Variants in CNTNAP2 observed in about 807,000 individuals in gnomAD.
CNTNAP2 encodes contactin associated protein 2.
A neutral mutation model predicts 155.2 loss-of-function variants in CNTNAP2; 98 were observed. That is an observed-to-expected ratio of 0.63 (90% CI 0.54 to 0.75). The LOEUF is 0.75. Among genes scored for constraint, CNTNAP2 ranks in the 30% least tolerant of loss-of-function variants. The pLI is 0.00. For synonymous variants in CNTNAP2, 651 were observed against 631.2 expected (o/e 1.03, Z -0.47); for missense variants, 1,727 against 1,688.1 (o/e 1.02, Z -0.40).
chr7:148,010,069 T>C (rs1376146648), intron 15 of CNTNAP2, among the ~76,000 whole-genome samples: 1 of 152,058 alleles, frequency 6.6e-6, no homozygotes, highest in African/African-American at 2.4e-5. Flanking sequence ...CTCAACTTGC[T>C]CCATAACAGT....
At chr7:147,681,086 C>T (rs1584896673) in intron 13 of CNTNAP2, among the ~76,000 whole-genome samples, 1 of 151,880 alleles carries the variant, frequency 6.6e-6, no homozygotes, top group African/African-American at 2.4e-5. Context: ...ATAGTCGTAA[C>T]CCACATATTT....
At chr7:148,047,948 G>C (rs1435202528) in intron 15 of CNTNAP2, among the ~76,000 whole-genome samples, 3 of 152,072 alleles carry the variant, frequency 2.0e-5, no homozygotes, top group African/African-American at 7.2e-5. Context: ...TTTTGAGACA[G>C]AGTCTCGCTT....
At chr7:147,806,152 A>G (rs1798087102) in intron 13 of CNTNAP2, among the ~76,000 whole-genome samples, 2 of 152,328 alleles carry the variant, frequency 1.3e-5, no homozygotes, top group South Asian at 4.1e-4. Flanking sequence ...TCAATAGCAA[A>G]AAGCAACTAA....
At chr7:147,245,523 C>G (rs1281210155) in intron 8 of CNTNAP2, among the ~76,000 whole-genome samples, 1 of 151,972 alleles carries the variant, frequency 6.6e-6, no homozygotes, top group African/African-American at 2.4e-5. Flanking sequence ...TTTCATTGAT[C>G]TAGATCTCAA....
At chr7:146,486,158 A>T (rs1268776) in intron 1 of CNTNAP2, among the ~76,000 whole-genome samples, 5 of 138,584 alleles carry the variant, frequency 3.6e-5, no homozygotes, top group Middle Eastern at 4.5e-3. Context: ...TCCGCCTCCC[A>T]GGTTCACTCT....
chr7:146,194,630 A>G (rs13223353), intron 1 of CNTNAP2, among the ~76,000 whole-genome samples: 8,288 of 152,264 alleles, frequency 0.054, 256 homozygotes, highest in Middle Eastern at 0.11. Flanking sequence ...CTAATGTTAA[A>G]CAAGAAAATT....
At chr7:147,707,644 G>A (rs1171589632) in intron 13 of CNTNAP2, among the ~76,000 whole-genome samples, 1 of 152,224 alleles carries the variant, frequency 6.6e-6, no homozygotes. Context: ...CCCAGGTGCT[G>A]GTAGTGGCAA....
chr7:147,002,250 C>CA (rs1798439362), intron 3 of CNTNAP2, among the ~76,000 whole-genome samples: 1 of 151,930 alleles, frequency 6.6e-6, no homozygotes, highest in South Asian at 2.1e-4. Context: ...CACATAGAGA[C>CA]ATGTAATTAT....
chr7:147,180,369 T>A (rs544776496), intron 8 of CNTNAP2, among the ~76,000 whole-genome samples: 106 of 152,330 alleles, frequency 7.0e-4, no homozygotes, highest in African/African-American at 2.2e-3. Context: ...TATTTACATA[T>A]ACTTTGGAGT....
intron 1 of CNTNAP2, among the ~76,000 whole-genome samples, chr7:146,491,245 G>A (rs1456249545): frequency 6.6e-6 from 1 of 152,018 alleles, no homozygotes; most frequent in Admixed American, 6.6e-5. Flanking sequence ...ATCACAGAAT[G>A]GAATCTTGTA....
chr7:148,348,637 C>T (rs1637825), intron 21 of CNTNAP2, among the ~76,000 whole-genome samples: 149,251 of 152,242 alleles, frequency 0.98, 73,226 homozygotes, highest in East Asian at 1. Flanking sequence ...GCCAAAGCGG[C>T]TCAGGCACAC....
chr7:146,762,311 G>C (rs1393705251), intron 1 of CNTNAP2, among the ~76,000 whole-genome samples: 1 of 152,022 alleles, frequency 6.6e-6, no homozygotes, highest in Non-Finnish European at 1.5e-5. Context: ...CAGTTCCTAA[G>C]AATCCCTGGC....
At chr7:148,205,327 TAGTTA>T (rs1795432276) in intron 18 of CNTNAP2, among the ~76,000 whole-genome samples, 1 of 152,236 alleles carries the variant, frequency 6.6e-6, no homozygotes, top group East Asian at 1.9e-4. Flanking sequence ...TACAAATATG[TAGTTA>T]AAGAAACAAT....
rs144621803 is a variant in CNTNAP2, at chr7:146,996,858, A to G, written c.403-47049A>G. On this transcript the variant is annotated intron_variant, in intron 3 of 23. Transcript: ENST00000361727. ...TTGTTGTGGGAGGGACCCCGTGGGG[A>G]GATAACGGAATCATAGGGGTGGTTT... Among the ~76,000 whole-genome samples, 963 of 152,162 alleles carry G rather than the reference A, an allele frequency of 6.3e-3. 8 individuals are homozygous for G. The highest frequency in any genetic ancestry group is 0.022 in the African/African-American group (921 of 41,510).
Position 147,993,819 on chromosome 7 carries a change from T to A in CNTNAP2, c.2383+15830T>A, listed in dbSNP as rs913297061. Among the ~76,000 whole-genome samples the A allele has an allele frequency of 4.6e-5, 7 of 152,164 alleles. No individual in the cohort carries two copies. In the South Asian group the frequency reaches 1.5e-3, roughly 32 times the overall value. The stretch of plus-strand genomic sequence containing the variant: ...TATATATTTGAGAACACTTCTCCAC[T>A]GCTCCTCTAACTCCTCTAGCCTACC... On this transcript the variant is annotated intron_variant, in intron 15 of 23. Transcript: ENST00000361727.
At chr7:147,374,303 A>G (rs1796398634) in intron 9 of CNTNAP2, among the ~76,000 whole-genome samples, 1 of 152,116 alleles carries the variant, frequency 6.6e-6, no homozygotes, top group South Asian at 2.1e-4. Flanking sequence ...CTAAATGTCT[A>G]CTTTTCTATT....
intron 1 of CNTNAP2, among the ~76,000 whole-genome samples, chr7:146,243,011 A>G (rs1799588311): frequency 6.6e-6 from 1 of 152,094 alleles, no homozygotes; most frequent in Non-Finnish European, 1.5e-5. Flanking sequence ...CTGTTTTTAG[A>G]CATATGGATG....
rs6967579 is a variant in CNTNAP2 at position 147,866,664 on chromosome 7, T to G, written c.2099-36901T>G. On this transcript the variant is annotated intron_variant, in intron 13 of 23. Coordinates refer to ENST00000361727, the MANE Select transcript of CNTNAP2 (RefSeq NM_014141.6). ...AGCTCTTCTTTTTGAATTGCTCCCT[T>G]TACCATTATGAAATGGCCTTCTTTG... is the stretch of plus-strand genomic sequence containing the variant. Among the ~76,000 whole-genome samples the G allele has an allele frequency of 7.9e-3, 1,209 of 152,346 alleles. 25 individuals carry two copies. Among genetic ancestry groups the G allele is most frequent in the African/African-American group, 0.028 (1,161 of 41,560 alleles).
intron 1 of CNTNAP2, among the ~76,000 whole-genome samples, chr7:146,399,082 A>G (rs77331777): frequency 3.7e-5 from 2 of 54,426 alleles, no homozygotes; most frequent in Non-Finnish European, 6.3e-5. Context: ...ACAAATAAAC[A>G]TATATATTTG....
Sources: gnomAD v4.1 joint callset for allele counts (sites outside exome capture counted in the v4.1 genomes callset) on GRCh38, gnomAD v4.1.1 for gene constraint, MANE v1.5 for transcripts, NCBI Gene and HGNC (gene_info 2026-07-23, HGNC 2026-07-21) for gene names.